MB21D2: variants seen among roughly 807,000 people sequenced by gnomAD.
MB21D2 encodes the protein nucleotidyltransferase MB21D2.
MB21D2 carries 9 observed loss-of-function variants against 33.3 expected under a neutral mutation model. That is an observed-to-expected ratio of 0.27 (90% CI 0.16 to 0.47). The LOEUF is 0.47. MB21D2 is among the 20% of genes least tolerant of loss of function. MB21D2 has a pLI of 0.99. For synonymous variants in MB21D2, 241 were observed against 236.3 expected, an observed-to-expected ratio of 1.02 and a Z score of -0.18; for missense variants, 540 against 624.6, an observed-to-expected ratio of 0.86 and a Z score of 1.44.
At chr3:192,905,695 G>C (rs532712770) in intron 1 of MB21D2, among the ~76,000 whole-genome samples, 1 of 150,656 alleles carries the variant, frequency 6.6e-6, no homozygotes, top group African/African-American at 2.4e-5. Context: ...GCCAGGCATG[G>C]AGGTGTGTGT....
At chr3:192,810,549 C>T (rs563629534) in intron 1 of MB21D2, among the ~76,000 whole-genome samples, 2 of 152,316 alleles carry the variant, frequency 1.3e-5, no homozygotes, top group East Asian at 3.9e-4. Context: ...GACGAGTTTA[C>T]TAACTTGTTT....
intron 1 of MB21D2, among the ~76,000 whole-genome samples, chr3:192,853,706 A>C (rs912377663): frequency 6.6e-6 from 1 of 151,832 alleles, no homozygotes; most frequent in Non-Finnish European, 1.5e-5. Flanking sequence ...TTGATGGTGC[A>C]TTGCTTTACT....
At chr3:192,882,157 C>T (rs527623402) in intron 1 of MB21D2, among the ~76,000 whole-genome samples, 1 of 152,140 alleles carries the variant, frequency 6.6e-6, no homozygotes, top group East Asian at 1.9e-4. Flanking sequence ...CGGAGTTTCA[C>T]TCTTGATGCC....
chr3:192,832,324 C>T (rs2108621210), intron 1 of MB21D2, among the ~76,000 whole-genome samples: 1 of 152,296 alleles, frequency 6.6e-6, no homozygotes, highest in Middle Eastern at 3.4e-3. Flanking sequence ...TTAGTTACAT[C>T]TCCTCCCCAT....
chr3:192,883,944 CA>C (rs1258233639), intron 1 of MB21D2, among the ~76,000 whole-genome samples: 1 of 152,024 alleles, frequency 6.6e-6, no homozygotes, highest in Non-Finnish European at 1.5e-5. Context: ...AGGCAACCAT[CA>C]AATCTAGATC....
chr3:192,803,665 A>G (rs1711599102), intron 1 of MB21D2, among the ~76,000 whole-genome samples: 1 of 152,246 alleles, frequency 6.6e-6, no homozygotes, highest in Non-Finnish European at 1.5e-5. Context: ...ATGGGTTGCC[A>G]TGCAACCAAA....
At chr3:192,814,095 T>A (rs1253779074) in intron 1 of MB21D2, among the ~76,000 whole-genome samples, 1 of 152,208 alleles carries the variant, frequency 6.6e-6, no homozygotes, top group East Asian at 1.9e-4. Flanking sequence ...ATTTCCTCAA[T>A]CTAGTTTTCA....
At chr3:192,902,795 C>T (rs1172042770) in intron 1 of MB21D2, among the ~76,000 whole-genome samples, 3 of 152,190 alleles carry the variant, frequency 2.0e-5, no homozygotes, top group Non-Finnish European at 4.4e-5. Context: ...GCCCATGCAG[C>T]GGCAACTCCT....
At chr3:192,815,502 C>T (rs972049250) in intron 1 of MB21D2, among the ~76,000 whole-genome samples, 1 of 152,198 alleles carries the variant, frequency 6.6e-6, no homozygotes, top group African/African-American at 2.4e-5. Context: ...CTGCCTCTCT[C>T]TCAATTTCAA....
chr3:192,885,540 G>A (rs6805010), intron 1 of MB21D2, among the ~76,000 whole-genome samples: 101,284 of 151,914 alleles, frequency 0.67, 35,657 homozygotes, highest in African/African-American at 0.9. Context: ...TACAGCCTAC[G>A]GGAAAAGGTA....
At chr3:192,861,452 T>A (rs1388002759) in intron 1 of MB21D2, among the ~76,000 whole-genome samples, 1 of 152,220 alleles carries the variant, frequency 6.6e-6, no homozygotes, top group Non-Finnish European at 1.5e-5. Flanking sequence ...CCAAATTACG[T>A]CTGGGTCCTG....
At chr3:192,841,604 G>C (rs1010529786) in intron 1 of MB21D2, among the ~76,000 whole-genome samples, 4 of 152,248 alleles carry the variant, frequency 2.6e-5, no homozygotes, top group Non-Finnish European at 5.9e-5. Flanking sequence ...GTGTTCCAAA[G>C]GCTGCGGCTC....
At chr3:192,887,951 G>T (rs1713768376) in intron 1 of MB21D2, among the ~76,000 whole-genome samples, 1 of 151,984 alleles carries the variant, frequency 6.6e-6, no homozygotes, top group Non-Finnish European at 1.5e-5. Flanking sequence ...TGGTTCACGG[G>T]TCCCATACTG....
intron 1 of MB21D2, among the ~76,000 whole-genome samples, chr3:192,866,524 T>TTTAGAATGTTTTAACA (rs1713171764): frequency 6.6e-6 from 1 of 152,186 alleles, no homozygotes; most frequent in Non-Finnish European, 1.5e-5. Context: ...TTTTACCTGA[T>TTTAGAATGTTTTAACA]TTAGAATGTT....
At chr3:192,806,239 G>A (rs1281624980) in intron 1 of MB21D2, among the ~76,000 whole-genome samples, 1 of 152,128 alleles carries the variant, frequency 6.6e-6, no homozygotes, top group Non-Finnish European at 1.5e-5. Context: ...TGTGTTCATG[G>A]TGTATCTTTC....
At chr3:192,801,346 T>C (rs1370720222) in intron 1 of MB21D2, among the ~76,000 whole-genome samples, 1 of 152,246 alleles carries the variant, frequency 6.6e-6, no homozygotes, top group African/African-American at 2.4e-5. Flanking sequence ...CAAAGTATTA[T>C]AATATTCCAT....
chr3:192,805,865 A>G (rs1486806768), intron 1 of MB21D2, among the ~76,000 whole-genome samples: 1 of 152,250 alleles, frequency 6.6e-6, no homozygotes, highest in Non-Finnish European at 1.5e-5. Flanking sequence ...CCTACCACAC[A>G]TAAACTGGAA....
chr3:192,905,872 G>GT (rs1365937976), intron 1 of MB21D2, among the ~76,000 whole-genome samples: 2 of 152,018 alleles, frequency 1.3e-5, no homozygotes, highest in African/African-American at 4.8e-5. Context: ...GAAAAGTATT[G>GT]TAATATGAAG....
intron 1 of MB21D2, among the ~76,000 whole-genome samples, chr3:192,811,437 G>T (rs1013141091): frequency 6.6e-6 from 1 of 152,076 alleles, no homozygotes; most frequent in Non-Finnish European, 1.5e-5. Context: ...CATTTCATAT[G>T]GACAACTGGC....
Sources: gnomAD v4.1 joint callset for allele counts (sites outside exome capture counted in the v4.1 genomes callset) on GRCh38, gnomAD v4.1.1 for gene constraint, MANE v1.5 for transcripts, NCBI Gene and HGNC (gene_info 2026-07-23, HGNC 2026-07-21) for gene names.